The following LIN7A variants were observed in gnomAD, a reference collection of about 807,000 sequenced individuals.
LIN7A encodes lin-7 cell polarity scaffold A, also known as protein lin-7 homolog A.
A neutral mutation model predicts 29.8 loss-of-function variants in LIN7A; 25 were observed. The observed-to-expected ratio is 0.84, with a 90% CI of 0.61 to 1.17. LIN7A has a LOEUF of 1.17. LIN7A is among the 50% of genes most tolerant of loss of function. The pLI is 0.00. For missense variants in LIN7A, 239 were observed against 287.0 expected, an observed-to-expected ratio of 0.83 and a Z score of 1.21; for synonymous variants, 118 against 107.5, an observed-to-expected ratio of 1.10 and a Z score of -0.60.
intron 5 of LIN7A, among the ~76,000 whole-genome samples, chr12:80,806,897 G>A (rs1004256722): frequency 4.6e-5 from 7 of 152,148 alleles, no homozygotes; most frequent in African/African-American, 1.7e-4. Context: ...CAATGTGTGT[G>A]TATTGCAAGT....
At chr12:80,887,623 A>T (rs1194158662) in intron 2 of LIN7A, among the ~76,000 whole-genome samples, 1 of 152,136 alleles carries the variant, frequency 6.6e-6, no homozygotes, top group Non-Finnish European at 1.5e-5. Context: ...ATTGCTGATC[A>T]TATTAAATAA....
intron 5 of LIN7A, 128 bp downstream of exon 5, chr12:80,811,337 T>G (rs2121513049): frequency 2.2e-6 from 1 of 449,866 alleles, no homozygotes; most frequent in African/African-American, 2.0e-5. Context: ...ATCTAATGAT[T>G]TTGTTTCAGC....
chr12:80,808,686 TA>T (rs1390221940), intron 5 of LIN7A, among the ~76,000 whole-genome samples: 2 of 151,776 alleles, frequency 1.3e-5, no homozygotes, highest in Non-Finnish European at 2.9e-5. Flanking sequence ...TTTGTATTTT[TA>T]GTAGAGACGA....
At chr12:80,888,273 A>C (rs1053764036) in intron 2 of LIN7A, among the ~76,000 whole-genome samples, 2 of 152,188 alleles carry the variant, frequency 1.3e-5, no homozygotes, top group Admixed American at 1.3e-4. Context: ...TGTATTGCAT[A>C]GGCACCAGTT....
intron 2 of LIN7A, among the ~76,000 whole-genome samples, chr12:80,863,146 TAGAA>T (rs1048553373): frequency 2.6e-5 from 4 of 152,224 alleles, no homozygotes; most frequent in Non-Finnish European, 5.9e-5. Context: ...GCAGCTTTGA[TAGAA>T]AGAAAGAGGA....
chr12:80,898,106 G>A (rs1920987), intron 1 of LIN7A, among the ~76,000 whole-genome samples: 2 of 151,908 alleles, frequency 1.3e-5, no homozygotes, highest in Admixed American at 6.6e-5. Flanking sequence ...AAATTTTAGG[G>A]TTTATATCTA....
At chr12:80,827,052 C>T (rs1872112863) in intron 4 of LIN7A, among the ~76,000 whole-genome samples, 1 of 152,008 alleles carries the variant, frequency 6.6e-6, no homozygotes. Flanking sequence ...ATTTCATTTC[C>T]CTGAGCCTCT....
intron 1 of LIN7A, among the ~76,000 whole-genome samples, chr12:80,898,316 T>C (rs955975906): frequency 2.0e-5 from 3 of 152,196 alleles, no homozygotes; most frequent in African/African-American, 7.2e-5. Context: ...TCTATTCTGT[T>C]CTATTGGTCT....
rs201394038 is a variant in LIN7A, at chr12:80,892,096, CTAT to C, written c.83-2730_83-2728del. On this transcript the variant is annotated intron_variant, in intron 1 of 5. Coordinates refer to ENST00000552864, the MANE Select transcript of LIN7A (RefSeq NM_004664.4). The stretch of plus-strand genomic sequence containing the variant: ...TTTCCATAGTTCTTTGTTCACTCAT[CTAT>C]TATAATAATTACTACCCTCTGTTTG... Among the ~76,000 whole-genome samples the C allele has an allele frequency of 2.4e-4, 37 of 152,260 alleles. 1 individual carries two copies. In the East Asian group the frequency reaches 4.4e-3, roughly 18 times the overall value.
At chr12:80,852,766 T>C (rs1873394095) in intron 2 of LIN7A, among the ~76,000 whole-genome samples, 1 of 152,210 alleles carries the variant, frequency 6.6e-6, no homozygotes, top group Non-Finnish European at 1.5e-5. Context: ...TTTAAAACTT[T>C]CTGCTGAGGC....
intron 2 of LIN7A, among the ~76,000 whole-genome samples, chr12:80,873,950 A>G (rs1874556558): frequency 6.6e-6 from 1 of 151,026 alleles, no homozygotes; most frequent in African/African-American, 2.4e-5. Flanking sequence ...TGGGTTCTGT[A>G]GCTGCATTTC....
At chr12:80,917,081 G>A (rs1414638456) in intron 1 of LIN7A, among the ~76,000 whole-genome samples, 2 of 152,090 alleles carry the variant, frequency 1.3e-5, no homozygotes, top group African/African-American at 4.8e-5. Flanking sequence ...TAGATATGGT[G>A]GATAATACTT....
At chr12:80,801,378 C>T (rs1870713454) in intron 5 of LIN7A, among the ~76,000 whole-genome samples, 1 of 152,092 alleles carries the variant, frequency 6.6e-6, no homozygotes, top group South Asian at 2.1e-4. Context: ...GATTCCACTA[C>T]CGCTACTCGT....
intron 1 of LIN7A, among the ~76,000 whole-genome samples, chr12:80,913,435 T>C (rs1030230467): frequency 1.3e-5 from 2 of 152,090 alleles, no homozygotes; most frequent in African/African-American, 4.8e-5. Context: ...AGGAGGGTGG[T>C]TTACAAGGTG....
chr12:80,878,104 C>G (rs532884126), intron 2 of LIN7A, among the ~76,000 whole-genome samples: 48 of 152,240 alleles, frequency 3.2e-4, no homozygotes, highest in Non-Finnish European at 5.3e-4. Context: ...TTGGGCTGAG[C>G]ATTTACCCAA....
chr12:80,840,367 T>C (rs531723638), intron 4 of LIN7A, among the ~76,000 whole-genome samples: 36 of 152,354 alleles, frequency 2.4e-4, no homozygotes, highest in African/African-American at 7.2e-4. Context: ...CAGTTATGAT[T>C]GCAGTAAAGG....
At position 80,795,783 on chromosome 12, in the gene LIN7A, G is replaced by T. The variant is rs1870416813; in HGVS notation, c.*1944C>A. 1 of 152,042 alleles carries T rather than the reference G, an allele frequency of 6.6e-6. No individual in the cohort carries two copies. Among genetic ancestry groups the T allele is most frequent in the Non-Finnish European group, 1.5e-5 (1 of 67,990 alleles). 9.4% of individuals were successfully genotyped at this position (152,042 alleles called of 1,614,324 possible). ...TTTATTAAATTTTTCTTATAAAAAT[G>T]TGAACTATCTCTTTCAAACTGAATA... On this transcript the variant is annotated 3_prime_UTR_variant, in exon 6 of 6. Coordinates refer to ENST00000552864, the MANE Select transcript of LIN7A (RefSeq NM_004664.4).
chr12:80,810,270 C>T (rs1391265488), intron 5 of LIN7A, among the ~76,000 whole-genome samples: 2 of 152,172 alleles, frequency 1.3e-5, no homozygotes, highest in Non-Finnish European at 2.9e-5. Context: ...TAGGTGAGAT[C>T]ATGTGGTATT....
At chr12:80,914,343 C>A (rs77460346) in intron 1 of LIN7A, among the ~76,000 whole-genome samples, 2,101 of 152,230 alleles carry the variant, frequency 0.014, 47 homozygotes, top group African/African-American at 0.048. Flanking sequence ...TTGGGAAACC[C>A]ATTATTTTCT....
Sources: gnomAD v4.1 joint callset for allele counts (sites outside exome capture counted in the v4.1 genomes callset) on GRCh38, gnomAD v4.1.1 for gene constraint, MANE v1.5 for transcripts, NCBI Gene and HGNC (gene_info 2026-07-23, HGNC 2026-07-21) for gene names.